EYS: variants seen among roughly 807,000 people sequenced by gnomAD.
The protein encoded by EYS is protein eyes shut homolog.
A neutral mutation model predicts 282.1 loss-of-function variants in EYS; 250 were observed. The ratio of observed to expected loss-of-function variants is 0.89; its 90% confidence interval spans 0.80 to 0.98. EYS has a LOEUF of 0.98. Ranked by LOEUF, EYS falls within the 50% of genes least tolerant of loss-of-function variation. EYS has a pLI of 0.00. For synonymous variants in EYS, 1,355 were observed against 1,282.9 expected (o/e 1.06, Z -1.20); for missense variants, 4,016 against 3,709.0 (o/e 1.08, Z -2.15).
At chr6:65,057,554 A>G in intron 13 of EYS, 60 bp downstream of exon 13, 3 of 999,864 alleles carry the variant, frequency 3.0e-6, no homozygotes, top group Non-Finnish European at 4.7e-6. Flanking sequence ...CAGACAAGAG[A>G]CAGAAGTGCT....
intron 16 of EYS, among the ~76,000 whole-genome samples, chr6:64,905,041 A>G (rs1484951666): frequency 6.6e-6 from 1 of 152,214 alleles, no homozygotes; most frequent in Non-Finnish European, 1.5e-5. Context: ...CGTGCTGCAT[A>G]ACAACATTTT....
At chr6:65,178,610 T>C (rs1765290821) in intron 12 of EYS, among the ~76,000 whole-genome samples, 2 of 151,980 alleles carry the variant, frequency 1.3e-5, no homozygotes, top group Admixed American at 6.6e-5. Flanking sequence ...ACATTAATAG[T>C]GGGAGACTTT....
At chr6:64,175,294 G>T (rs1303881708) in intron 31 of EYS, among the ~76,000 whole-genome samples, 1 of 151,974 alleles carries the variant, frequency 6.6e-6, no homozygotes, top group Non-Finnish European at 1.5e-5. Context: ...CCTAACCTAG[G>T]TTCTCCAGAA....
intron 33 of EYS, among the ~76,000 whole-genome samples, chr6:64,047,966 T>C (rs1770683660): frequency 1.3e-5 from 2 of 152,156 alleles, no homozygotes; most frequent in Non-Finnish European, 2.9e-5. Context: ...AGTGCAGTGG[T>C]GCGATCTTGG....
chr6:65,639,451 AATGGATTAT>A (rs1360986732), intron 2 of EYS, among the ~76,000 whole-genome samples: 1 of 152,086 alleles, frequency 6.6e-6, no homozygotes, highest in Admixed American at 6.5e-5. Flanking sequence ...TGCATTTAAT[AATGGATTAT>A]TTAAATGCAT....
intron 37 of EYS, among the ~76,000 whole-genome samples, chr6:63,791,401 C>T (rs1770507474): frequency 6.6e-6 from 1 of 151,994 alleles, no homozygotes; most frequent in Non-Finnish European, 1.5e-5. Flanking sequence ...GGTGAAACCC[C>T]ATCTCTACTA....
intron 22 of EYS, among the ~76,000 whole-genome samples, chr6:64,729,943 A>G (rs150061075): frequency 6.1e-4 from 93 of 152,368 alleles, no homozygotes; most frequent in African/African-American, 2.1e-3. Flanking sequence ...TTAATAACAG[A>G]AGATTTTGAA....
intron 26 of EYS, among the ~76,000 whole-genome samples, chr6:64,578,490 G>A (rs1207660158): frequency 4.6e-5 from 7 of 151,970 alleles, no homozygotes; most frequent in Non-Finnish European, 8.8e-5. Context: ...AATCCTGATG[G>A]TAGAATGTAA....
At chr6:63,765,566 A>T (rs1769766715) in intron 40 of EYS, among the ~76,000 whole-genome samples, 1 of 151,886 alleles carries the variant, frequency 6.6e-6, no homozygotes, top group South Asian at 2.1e-4. Flanking sequence ...ATGTTTTGGT[A>T]TAGGCAGGCA....
intron 22 of EYS, among the ~76,000 whole-genome samples, chr6:64,686,058 G>T (rs1554192979): frequency 6.6e-6 from 1 of 150,454 alleles, no homozygotes; most frequent in African/African-American, 2.4e-5. Context: ...AGAGCCAAAT[G>T]AAAAAAACAA....
intron 33 of EYS, among the ~76,000 whole-genome samples, chr6:64,012,520 G>A (rs1385495045): frequency 6.6e-6 from 1 of 152,138 alleles, no homozygotes; most frequent in Non-Finnish European, 1.5e-5. Flanking sequence ...TAGCATTATT[G>A]TTTTACCTCC....
intron 33 of EYS, among the ~76,000 whole-genome samples, chr6:64,046,090 A>G (rs1417204758): frequency 2.0e-5 from 3 of 148,122 alleles, no homozygotes; most frequent in African/African-American, 4.9e-5. Context: ...TATCTTACAT[A>G]TATTTACATA....
chr6:64,675,428 C>CTTTTTTTTTTTTTTTT (rs56346431), intron 22 of EYS, among the ~76,000 whole-genome samples: 10 of 114,648 alleles, frequency 8.7e-5, no homozygotes, highest in East Asian at 5.2e-4. Flanking sequence ...CTTTTTTTTT[C>CTTTTTTTTTTTTTTTT]TTTTTTTTTT....
chr6:65,075,971 A>T (rs941398649), intron 12 of EYS, among the ~76,000 whole-genome samples: 4 of 152,046 alleles, frequency 2.6e-5, no homozygotes, highest in African/African-American at 9.7e-5. Context: ...CTGACAGAGA[A>T]GAAAAGCAAG....
chr6:65,690,750 G>T (rs1351668725), intron 1 of EYS, among the ~76,000 whole-genome samples: 6 of 149,618 alleles, frequency 4.0e-5, no homozygotes, highest in African/African-American at 1.5e-4. Flanking sequence ...CCCACAACAG[G>T]CCCCCAAGTG....
chr6:65,194,878 A>G (rs1317769486), intron 12 of EYS, among the ~76,000 whole-genome samples: 1 of 150,424 alleles, frequency 6.6e-6, no homozygotes, highest in East Asian at 2.0e-4. Flanking sequence ...GACCTGGATT[A>G]CCAGTAGAAC....
At chr6:65,682,223 A>G (rs922109970) in intron 1 of EYS, among the ~76,000 whole-genome samples, 22 of 151,900 alleles carry the variant, frequency 1.4e-4, no homozygotes, top group Non-Finnish European at 1.5e-5. Flanking sequence ...AGCTGCAGTA[A>G]TAGTTTGTTT....
At chr6:64,789,402 G>A (rs1292776838) in intron 22 of EYS, among the ~76,000 whole-genome samples, 2 of 151,942 alleles carry the variant, frequency 1.3e-5, no homozygotes, top group Admixed American at 1.3e-4. Context: ...GCACATACAC[G>A]TTCTCTCATA....
intron 22 of EYS, among the ~76,000 whole-genome samples, chr6:64,676,405 T>C (rs1488635783): frequency 6.7e-6 from 1 of 149,932 alleles, no homozygotes; most frequent in Non-Finnish European, 1.5e-5. Context: ...AGGAGCATTA[T>C]AGGTACTCAA....
Sources: allele counts gnomAD v4.1 joint callset (sites outside exome capture counted in the v4.1 genomes callset), GRCh38; gene constraint gnomAD v4.1.1; transcripts MANE v1.5; gene names NCBI Gene and HGNC (gene_info 2026-07-23, HGNC 2026-07-21).